Variants in NHSL1 observed in about 807,000 individuals in gnomAD.
NHSL1 encodes the protein NHS like 1.
Under a neutral mutation model 95.0 loss-of-function variants are expected in NHSL1, and 48 were observed. That is an observed-to-expected ratio of 0.51 (90% CI 0.40 to 0.64). The LOEUF is 0.64. NHSL1 is among the 30% of genes least tolerant of loss of function. The pLI is 0.00. For synonymous variants in NHSL1, 783 were observed against 833.9 expected, an observed-to-expected ratio of 0.94 and a Z score of 1.05; for missense variants, 1,971 against 2,077.7, an observed-to-expected ratio of 0.95 and a Z score of 1.00.
At chr6:138,448,141 A>G (rs1353585138) in intron 3 of NHSL1, among the ~76,000 whole-genome samples, 1 of 152,216 alleles carries the variant, frequency 6.6e-6, no homozygotes, top group Non-Finnish European at 1.5e-5. Context: ...GCCCTTCTTC[A>G]ATACCTTTCT....
At chr6:138,645,524 T>G (rs571592384) in intron 1 of NHSL1, among the ~76,000 whole-genome samples, 1 of 151,584 alleles carries the variant, frequency 6.6e-6, no homozygotes, top group Non-Finnish European at 1.5e-5. Context: ...TTTTTTTTTT[T>G]TGGGACAGAG....
At chr6:138,669,926 G>A (rs1785342029) in intron 1 of NHSL1, among the ~76,000 whole-genome samples, 1 of 151,982 alleles carries the variant, frequency 6.6e-6, no homozygotes, top group African/African-American at 2.4e-5. Flanking sequence ...TTTGAGACCA[G>A]CATGGCCAAT....
rs1462808800 is a variant in NHSL1 at position 138,665,939 on chromosome 6, A to G, written c.96+26537T>C. 2.0e-5 allele frequency among the ~76,000 whole-genome samples: 3 copies of G among 152,188 alleles called. No homozygotes were observed. In the East Asian group the frequency reaches 5.8e-4, roughly 29 times the overall value. On this transcript the variant is annotated intron_variant, in intron 1 of 3. Coordinates refer to the NHSL1 transcript ENST00000491526. The stretch of plus-strand genomic sequence containing the variant: ...CACTATTCAGTCATACACTGTGTCT[A>G]TTGAGAATAAAATTATCCATAAGAC...
At chr6:138,551,506 A>G (rs1454726105) in intron 1 of NHSL1, among the ~76,000 whole-genome samples, 1 of 152,128 alleles carries the variant, frequency 6.6e-6, no homozygotes, top group Non-Finnish European at 1.5e-5. Flanking sequence ...CTCTGGTGGC[A>G]CCTATGACCA....
At chr6:138,634,303 C>T (rs2114667007) in intron 1 of NHSL1, among the ~76,000 whole-genome samples, 1 of 152,154 alleles carries the variant, frequency 6.6e-6, no homozygotes, top group African/African-American at 2.4e-5. Flanking sequence ...TAATCGGTTG[C>T]CTCCAAGAAA....
At chr6:138,685,009 G>T (rs1785567080) in intron 1 of NHSL1, among the ~76,000 whole-genome samples, 1 of 151,946 alleles carries the variant, frequency 6.6e-6, no homozygotes, top group Non-Finnish European at 1.5e-5. Flanking sequence ...GAAAAACTTG[G>T]TTTTTTAAAC....
intron 1 of NHSL1, among the ~76,000 whole-genome samples, chr6:138,674,680 T>C (rs1583476448): frequency 6.6e-6 from 1 of 152,192 alleles, no homozygotes; most frequent in East Asian, 1.9e-4. Context: ...TAGTATTCCA[T>C]GGTGTATACA....
At chr6:138,582,819 G>T (rs1230710899) in intron 1 of NHSL1, among the ~76,000 whole-genome samples, 2 of 152,064 alleles carry the variant, frequency 1.3e-5, no homozygotes, top group East Asian at 3.9e-4. Flanking sequence ...TTTTCCACCG[G>T]CTTTACTTTT....
intron 1 of NHSL1, among the ~76,000 whole-genome samples, chr6:138,670,581 G>T (rs1322524224): frequency 6.8e-6 from 1 of 147,758 alleles, no homozygotes. Context: ...CAGGAGAATG[G>T]CGTGAACCCG....
chr6:138,489,094 T>C (rs939449629), intron 2 of NHSL1, among the ~76,000 whole-genome samples: 6 of 152,004 alleles, frequency 3.9e-5, no homozygotes, highest in African/African-American at 1.5e-4. Flanking sequence ...CCTTTATCCC[T>C]CCTCCCCACA....
At chr6:138,689,328 G>T (rs1429741999) in intron 1 of NHSL1, among the ~76,000 whole-genome samples, 1 of 152,128 alleles carries the variant, frequency 6.6e-6, no homozygotes, top group Non-Finnish European at 1.5e-5. Context: ...CCCTCAACCT[G>T]GGGGTGTCAG....
At chr6:138,491,990 G>A (rs1031297125) in intron 2 of NHSL1, among the ~76,000 whole-genome samples, 1 of 152,166 alleles carries the variant, frequency 6.6e-6, no homozygotes, top group Admixed American at 6.5e-5. Context: ...TTCATTAGCA[G>A]TGAATCATTA....
In NHSL1 at chr6:138,430,376, C is replaced by A; in HGVS notation, c.3952+17G>T. 1 of 1,450,804 alleles carries A rather than the reference C, an allele frequency of 6.9e-7. No individual in the cohort carries two copies. Among genetic ancestry groups the A allele is most frequent in the Admixed American group, 2.8e-5 (1 of 36,218 alleles). 89.9% of individuals were successfully genotyped at this position (1,450,804 alleles called of 1,614,324 possible). On this transcript the variant is annotated intron_variant, in intron 6 of 7. Transcript: ENST00000343505. The surrounding 1 kb of genome is among the most constrained non-coding windows in gnomAD (Gnocchi z 4.7). ...GGCAGAGGGCACAGGAGAGAGAAGC[C>A]AGGAAGCCAGACTCACCTGCTCCGT...
chr6:138,521,953 G>A (rs1470882662), intron 1 of NHSL1, among the ~76,000 whole-genome samples: 4 of 152,216 alleles, frequency 2.6e-5, no homozygotes, highest in Admixed American at 2.6e-4. Context: ...AGGAGCCTTG[G>A]AGGAGGCCCA....
intron 5 of NHSL1, among the ~76,000 whole-genome samples, chr6:138,435,721 T>TTTG (rs1776045766): frequency 2.0e-5 from 3 of 151,992 alleles, no homozygotes; most frequent in African/African-American, 7.3e-5. Context: ...GGTTTTTTTT[T>TTTG]TTGTTTTTTT....
chr6:138,445,276 A>G (rs780722013), intron 4 of NHSL1, among the ~76,000 whole-genome samples: 33 of 152,216 alleles, frequency 2.2e-4, no homozygotes, highest in Non-Finnish European at 4.0e-4. Flanking sequence ...ACTTAATTAT[A>G]TATAATGTAA....
At chr6:138,611,886 G>A (rs539674597) in intron 1 of NHSL1, among the ~76,000 whole-genome samples, 1 of 152,176 alleles carries the variant, frequency 6.6e-6, no homozygotes, top group Admixed American at 6.5e-5. Flanking sequence ...AAAGCAGGTG[G>A]GTCATCTGAG....
rs1350306860 is a variant in NHSL1 at position 138,447,095 on chromosome 6, G to A, written c.438C>T (p.Asn146=). ...TTGGCAGTGGAAGCGACTTGGTCCA[G>A]TTCGTCTGAGTATTAAGGTCGGAGA... ...SDFSDLNTQT[N]WTKSLPLPTP... Residue 146 remains asparagine (N), a synonymous_variant, in exon 4 of 8, where the codon AAC becomes AAT. Coordinates refer to ENST00000343505, the MANE Select transcript of NHSL1 (RefSeq NM_001144060.2). The A allele has an allele frequency of 1.9e-6, 3 of 1,551,794 alleles. No homozygotes were observed. Among genetic ancestry groups the A allele is most frequent in the Admixed American group, 2.0e-5 (1 of 51,006 alleles).
intron 1 of NHSL1, among the ~76,000 whole-genome samples, chr6:138,638,577 A>G (rs1419703694): frequency 6.6e-6 from 1 of 152,234 alleles, no homozygotes; most frequent in East Asian, 1.9e-4. Context: ...TAGGAAAGTT[A>G]AGTCCTAATT....
Sources: gnomAD v4.1 joint callset for allele counts (sites outside exome capture counted in the v4.1 genomes callset) on GRCh38, gnomAD v4.1.1 for gene constraint, Gnocchi (gnomAD v3.1) non-coding constraint, MANE v1.5 for transcripts, NCBI Gene and HGNC (gene_info 2026-07-23, HGNC 2026-07-21) for gene names.